The following UBR2 variants were observed in gnomAD, a reference collection of about 807,000 sequenced individuals.
UBR2 encodes the protein E3 ubiquitin-protein ligase UBR2.
In UBR2, 92 loss-of-function variants were observed where a neutral mutation model predicts 247.9. The ratio of observed to expected loss-of-function variants is 0.37; its 90% CI spans 0.31 to 0.44. UBR2 has a LOEUF of 0.44. UBR2 is among the 20% of genes least tolerant of loss of function. UBR2 has a pLI of 1.00. For missense variants in UBR2, 1,613 were observed against 2,112.6 expected, an observed-to-expected ratio of 0.76 and a Z score of 4.64; for synonymous variants, 672 against 693.5, an observed-to-expected ratio of 0.97 and a Z score of 0.49.
At chr6:42,577,250 T>C (rs1279460825) in intron 2 of UBR2, among the ~76,000 whole-genome samples, 1 of 152,210 alleles carries the variant, frequency 6.6e-6, no homozygotes, top group Non-Finnish European at 1.5e-5. Flanking sequence ...CTGATATCCA[T>C]AATGCAGAAG....
At chr6:42,686,568 G>A (rs1047237110) in intron 44 of UBR2, among the ~76,000 whole-genome samples, 2 of 152,200 alleles carry the variant, frequency 1.3e-5, no homozygotes, top group African/African-American at 2.4e-5. Flanking sequence ...TCGTCATCAC[G>A]GCCTGTTGTC....
At position 42,564,343 on chromosome 6, in the gene UBR2, G is replaced by A; in HGVS notation, c.24G>A (p.Glu8=). The A allele has an allele frequency of 6.2e-7, 1 of 1,612,320 alleles. No homozygotes were observed. Among genetic ancestry groups the A allele is most frequent in the Non-Finnish European group, 8.5e-7 (1 of 1,179,376 alleles). MASELEP[E]VQAIDRSLLE... is the part of the protein sequence containing the mutation. ...AGATGGCGTCGGAGCTAGAGCCAGAGGTGCAGGCCATCGACCGGAGCTTGC... is the reference window on the plus strand; with the variant it reads ...AGATGGCGTCGGAGCTAGAGCCAGAAGTGCAGGCCATCGACCGGAGCTTGC... The change falls in exon 1 of 47, where the codon GAG becomes GAA. Residue 8 remains glutamate (E), a synonymous_variant. Transcript: ENST00000372901.
chr6:42,602,780 GTATT>G (rs1409722987), intron 4 of UBR2, among the ~76,000 whole-genome samples: 2 of 151,018 alleles, frequency 1.3e-5, no homozygotes, highest in East Asian at 1.9e-4. Context: ...GTGTGTGTGT[GTATT>G]TATTTTCAGG....
At position 42,659,250 on chromosome 6, in the gene UBR2, C is replaced by T. The variant is rs1797631442; in HGVS notation, c.3243-406C>T. On this transcript the variant is annotated intron_variant, in intron 29 of 46. Transcript: ENST00000372901. This position sits in a 1 kb window ranked among gnomAD's most constrained non-coding sequence, Gnocchi z 4.3. ...GTGGCTCACGCCTGTAATCCCAGCA[C>T]TTCGGGAGGCCAAGGCGGGCGGATC... Among the ~76,000 whole-genome samples, 1 of 152,058 alleles carries T rather than the reference C, an allele frequency of 6.6e-6. No individual in the cohort carries two copies. Among genetic ancestry groups the T allele is most frequent in the Non-Finnish European group, 1.5e-5 (1 of 68,014 alleles).
rs773029571 is a variant in UBR2 at position 42,658,333 on chromosome 6, A to G, written c.3063+13A>G. 3.1e-6 allele frequency: 5 copies of G among 1,601,388 alleles called. No individual in the cohort carries two copies. Among genetic ancestry groups the G allele is most frequent in the Non-Finnish European group, 4.3e-6 (5 of 1,175,966 alleles). ...CATAATGGAAGAGGTATAAACAGTA[A>G]AAAGTGTGATAATACTAAAAAATTA... On this transcript the variant is annotated intron_variant, in intron 28 of 46. Coordinates refer to ENST00000372901, the MANE Select transcript of UBR2 (RefSeq NM_001363705.2).
rs771598586 is a variant in UBR2, at chr6:42,594,287, G to A, written c.514G>A (p.Glu172Lys). The change falls in exon 4 of 47, where the codon GAA (glutamate) becomes AAA (lysine). Residue 172 changes from glutamate (E) to lysine (K), a missense_variant. Physicochemically the swap from Glu to Lys is moderately conservative, Grantham distance 56. Transcript: ENST00000372901. ...TCAAAAACATGAACTTAACACCTCT[G>A]AAATTGAGGAAGAAGAGGTAAAAAC... ...YCQKHELNTS[E>K]IEEEEDPLVH... The A allele has an allele frequency of 6.2e-7, 1 of 1,608,056 alleles. No homozygotes were observed. The highest frequency in any genetic ancestry group is 8.5e-7 in the Non-Finnish European group (1 of 1,176,230).
chr6:42,667,291 A>G (rs975594775), intron 34 of UBR2, among the ~76,000 whole-genome samples: 1 of 151,764 alleles, frequency 6.6e-6, no homozygotes, highest in African/African-American at 2.4e-5. Context: ...AGCCAAGATC[A>G]TGCCACTGCT....
At chr6:42,664,829 G>A (rs549673400) in intron 32 of UBR2, among the ~76,000 whole-genome samples, 2 of 152,164 alleles carry the variant, frequency 1.3e-5, no homozygotes, top group Admixed American at 1.3e-4. Flanking sequence ...AGTCATATTC[G>A]AATACAATCA....
chr6:42,574,320 C>T (rs1488537271), intron 2 of UBR2, among the ~76,000 whole-genome samples: 2 of 152,104 alleles, frequency 1.3e-5, no homozygotes, highest in African/African-American at 4.8e-5. Flanking sequence ...GTTCAAATTG[C>T]CATAGATTTG....
chr6:42,683,005 C>G, intron 42 of UBR2, 50 bp from the exon 43 acceptor site: 1 of 1,538,930 alleles, frequency 6.5e-7, no homozygotes, highest in Non-Finnish European at 8.8e-7. Flanking sequence ...AATTCTAGTT[C>G]TAACCCTTTA....
chr6:42,638,618 T>C (rs1562342633), intron 15 of UBR2, among the ~76,000 whole-genome samples: 1 of 152,320 alleles, frequency 6.6e-6, no homozygotes, highest in East Asian at 1.9e-4. Context: ...TTTGAGCAAC[T>C]GAACTGTCAA....
At chr6:42,588,739 CGA>C (rs1792460609) in intron 2 of UBR2, among the ~76,000 whole-genome samples, 1 of 152,108 alleles carries the variant, frequency 6.6e-6, no homozygotes, top group South Asian at 2.1e-4. Flanking sequence ...TCCCCTCTTC[CGA>C]GATTTTGGTG....
At position 42,663,370 on chromosome 6, in the gene UBR2, A is replaced by G. The variant is rs367647856; in HGVS notation, c.3649A>G (p.Ser1217Gly). Residue 1217 changes from serine to glycine, a missense_variant, in exon 32 of 47, where the codon AGT becomes GGT. Coordinates refer to ENST00000372901, the MANE Select transcript of UBR2 (RefSeq NM_001363705.2). The stretch of plus-strand genomic sequence containing the variant: ...CCTTTGCCCCCTTTGTGAATGCTTG[A>G]GTAATACTGTTATTCCTCTGCTGCT... ...EFLCPLCECLSNTVIPLLLPP... is the reference protein window; with the variant it reads ...EFLCPLCECLGNTVIPLLLPP... The G allele has an allele frequency of 5.0e-6, 8 of 1,613,574 alleles. No homozygotes were observed. The highest frequency in any genetic ancestry group is 6.8e-6 in the Non-Finnish European group (8 of 1,179,808).
intron 9 of UBR2, among the ~76,000 whole-genome samples, chr6:42,615,741 A>G (rs1794497866): frequency 1.3e-5 from 2 of 149,964 alleles, no homozygotes; most frequent in Admixed American, 1.3e-4. Context: ...CTGGGCAACA[A>G]AGCAAGACCC....
chr6:42,615,626 T>C (rs1318032765), intron 9 of UBR2, among the ~76,000 whole-genome samples: 1 of 152,044 alleles, frequency 6.6e-6, no homozygotes, highest in African/African-American at 2.4e-5. Flanking sequence ...TTCTTTGTTT[T>C]TGAGACTTAA....
At chr6:42,652,137 A>T in intron 24 of UBR2, 66 bp downstream of exon 24, 1 of 1,415,428 alleles carries the variant, frequency 7.1e-7, no homozygotes, top group South Asian at 1.3e-5. Context: ...GTTTTCTGTT[A>T]ACTATGATGA....
At chr6:42,636,016 G>T (rs1796065787) in intron 14 of UBR2, among the ~76,000 whole-genome samples, 3 of 152,122 alleles carry the variant, frequency 2.0e-5, no homozygotes, top group African/African-American at 4.8e-5. Context: ...ATGAGTAAAT[G>T]ATATTCCTGA....
At chr6:42,610,656 G>A (rs1250318461) in intron 7 of UBR2, among the ~76,000 whole-genome samples, 1 of 152,110 alleles carries the variant, frequency 6.6e-6, no homozygotes, top group African/African-American at 2.4e-5. Context: ...AACAGAAAGA[G>A]ACAGATGGTG....
Position 42,659,637 on chromosome 6 carries a change from C to T in UBR2, c.3243-19C>T. 23 of 1,605,782 alleles carry T rather than the reference C, an allele frequency of 1.4e-5. No homozygotes were observed. Among genetic ancestry groups the T allele is most frequent in the Non-Finnish European group, 2.0e-5 (23 of 1,175,208 alleles). ...AAGTTTTGGGATCATTAATTATATT[C>T]ATAACCTTTGTATTGCAGCCCTGTG... On this transcript the variant is annotated intron_variant, in intron 29 of 46. Transcript: ENST00000372901. This position sits in a 1 kb window ranked among gnomAD's most constrained non-coding sequence, Gnocchi z 4.3.
Sources: gnomAD v4.1 joint callset for allele counts (sites outside exome capture counted in the v4.1 genomes callset) on GRCh38, gnomAD v4.1.1 for gene constraint, Gnocchi (gnomAD v3.1) non-coding constraint, MANE v1.5 for transcripts, NCBI Gene and HGNC (gene_info 2026-07-23, HGNC 2026-07-21) for gene names.